Variants in ARHGAP12 observed in about 807,000 individuals in gnomAD.
The protein encoded by ARHGAP12 is Rho GTPase activating protein 12, also known as rho GTPase-activating protein 12.
In ARHGAP12, 64 loss-of-function variants were observed where a neutral mutation model predicts 108.6. The ratio of observed to expected loss-of-function variants is 0.59; its 90% CI spans 0.48 to 0.73. The LOEUF is 0.73. ARHGAP12 is among the 30% of genes least tolerant of loss of function. The pLI, the probability that ARHGAP12 is intolerant of heterozygous loss-of-function variation, is 0.00. For missense variants in ARHGAP12, 940 were observed against 1,005.9 expected, an observed-to-expected ratio of 0.93 and a Z score of 0.89; for synonymous variants, 312 against 337.2, an observed-to-expected ratio of 0.93 and a Z score of 0.82.
chr10:31,849,508 T>C (rs1478027765), intron 6 of ARHGAP12, among the ~76,000 whole-genome samples: 1 of 152,252 alleles, frequency 6.6e-6, no homozygotes, highest in African/African-American at 2.4e-5. Context: ...GGTTACAAGC[T>C]TGACAGATTT....
At chr10:31,887,752 G>C (rs1289704959) in intron 3 of ARHGAP12, among the ~76,000 whole-genome samples, 1 of 151,300 alleles carries the variant, frequency 6.6e-6, no homozygotes, top group Non-Finnish European at 1.5e-5. Context: ...CCACCTCCTG[G>C]GTTCACCCCA....
intron 6 of ARHGAP12, among the ~76,000 whole-genome samples, chr10:31,850,176 A>T (rs773548244): frequency 6.6e-6 from 1 of 152,182 alleles, no homozygotes; most frequent in Non-Finnish European, 1.5e-5. Flanking sequence ...TACTGTTAAG[A>T]GCTACAATTC....
chr10:31,834,349 A>C (rs532912525), intron 9 of ARHGAP12, among the ~76,000 whole-genome samples: 38 of 152,326 alleles, frequency 2.5e-4, no homozygotes, highest in African/African-American at 9.1e-4. Flanking sequence ...GGTGAAGCCC[A>C]CATGAATCTA....
intron 3 of ARHGAP12, among the ~76,000 whole-genome samples, chr10:31,876,862 A>C (rs1398392910): frequency 2.0e-5 from 3 of 152,218 alleles, no homozygotes; most frequent in Admixed American, 2.0e-4. Context: ...GGGCAGTTAC[A>C]ACCCCTACTC....
At position 31,908,439 on chromosome 10, in the gene ARHGAP12, A is replaced by C; in HGVS notation, c.417T>G (p.Ser139Arg). The C allele has an allele frequency of 6.2e-7, 1 of 1,614,234 alleles. No homozygotes were observed. The highest frequency in any genetic ancestry group is 8.5e-7 in the Non-Finnish European group (1 of 1,180,038). The change falls in exon 3 of 20, where the codon AGT becomes AGG. Residue 139 changes from serine (S) to arginine (R), a missense_variant. By Grantham distance (110) the Ser-to-Arg change is moderately radical. Transcript: ENST00000344936. ...GGTTGACAGTCTGACCTTGATTATAACTGGGTCCAAAATTCTGATTGGCAT... is the reference window on the plus strand; with the variant it reads ...GGTTGACAGTCTGACCTTGATTATACCTGGGTCCAAAATTCTGATTGGCAT... ...IRDANQNFGPSYNQGQTVNLS... is the reference protein window; with the variant it reads ...IRDANQNFGPRYNQGQTVNLS...
At chr10:31,849,928 G>A (rs1407464545) in intron 6 of ARHGAP12, among the ~76,000 whole-genome samples, 3 of 152,094 alleles carry the variant, frequency 2.0e-5, no homozygotes, top group African/African-American at 4.8e-5. Context: ...TCTGACCAAG[G>A]AAATTATAGA....
At chr10:31,894,577 C>T (rs1475459528) in intron 3 of ARHGAP12, among the ~76,000 whole-genome samples, 8 of 152,136 alleles carry the variant, frequency 5.3e-5, no homozygotes, top group East Asian at 1.9e-4. Context: ...AACTACAAAC[C>T]ACTGCTCAGT....
chr10:31,854,555 T>C (rs1351491240), intron 4 of ARHGAP12, among the ~76,000 whole-genome samples: 2 of 152,188 alleles, frequency 1.3e-5, no homozygotes, highest in Non-Finnish European at 2.9e-5. Flanking sequence ...TACACATATC[T>C]GTGTGTAAAC....
chr10:31,836,347 A>T lies in ARHGAP12; in HGVS notation c.1386+2958T>A, dbSNP rs1264808590. ...TGAATAGCTTCTTAGATCAGCCCACAAAAACCTATTTAATCCATATTATAG... is the reference window on the plus strand; with the variant it reads ...TGAATAGCTTCTTAGATCAGCCCACTAAAACCTATTTAATCCATATTATAG... On this transcript the variant is annotated intron_variant, in intron 9 of 19. Coordinates refer to ENST00000344936, the MANE Select transcript of ARHGAP12 (RefSeq NM_018287.7). 2.6e-5 allele frequency among the ~76,000 whole-genome samples: 4 copies of T among 152,280 alleles called. No individual in the cohort carries two copies. In the East Asian group the frequency reaches 7.7e-4, roughly 29 times the overall value.
intron 12 of ARHGAP12, among the ~76,000 whole-genome samples, chr10:31,819,373 CA>C (rs1835326256): frequency 6.6e-6 from 1 of 152,108 alleles, no homozygotes; most frequent in African/African-American, 2.4e-5. Context: ...CATGAGACTA[CA>C]AAAAGAGGTT....
Position 31,854,224 on chromosome 10 carries a change from CAT to C in ARHGAP12, c.949-20_949-19del. On this transcript the variant is annotated intron_variant, in intron 4 of 19. Transcript: ENST00000344936. ...GAAAGAAGCTACAAATAGTCAGAAA[CAT>C]AAGGATTTTTCTTTTTTGAATATAA... The C allele has an allele frequency of 6.3e-7, 1 of 1,580,412 alleles. No homozygotes were observed. The highest frequency in any genetic ancestry group is 8.6e-7 in the Non-Finnish European group (1 of 1,169,222).
intron 3 of ARHGAP12, among the ~76,000 whole-genome samples, chr10:31,870,066 T>C (rs1395030815): frequency 6.6e-6 from 1 of 152,162 alleles, no homozygotes; most frequent in African/African-American, 2.4e-5. Flanking sequence ...TTTAGACTTA[T>C]GGAAAAAAAC....
chr10:31,851,416 T>C (rs1057110019), intron 6 of ARHGAP12, among the ~76,000 whole-genome samples: 15 of 152,186 alleles, frequency 9.9e-5, no homozygotes, highest in Non-Finnish European at 5.9e-5. Flanking sequence ...CAGTATTTCC[T>C]TTATCTATCT....
intron 3 of ARHGAP12, among the ~76,000 whole-genome samples, chr10:31,885,239 A>C (rs958976999): frequency 6.6e-6 from 1 of 152,232 alleles, no homozygotes; most frequent in Non-Finnish European, 1.5e-5. Flanking sequence ...AGTAGTTTTT[A>C]AAAGGTATAA....
chr10:31,860,021 A>T (rs1032525576), intron 4 of ARHGAP12, among the ~76,000 whole-genome samples: 1 of 152,116 alleles, frequency 6.6e-6, no homozygotes, highest in African/African-American at 2.4e-5. Flanking sequence ...ACCTCAAGTG[A>T]TCTGCCTCCC....
chr10:31,901,448 C>A (rs903234877), intron 3 of ARHGAP12, among the ~76,000 whole-genome samples: 6 of 144,444 alleles, frequency 4.2e-5, no homozygotes, highest in African/African-American at 1.3e-4. Context: ...AGGAGGATCA[C>A]GTGAGCCTGG....
In ARHGAP12 at chr10:31,861,657, G is replaced by C. The variant is rs1031795970; in HGVS notation, c.686C>G (p.Ala229Gly). The C allele has an allele frequency of 6.3e-7, 1 of 1,583,100 alleles. No individual in the cohort carries two copies. Among genetic ancestry groups the C allele is most frequent in the Non-Finnish European group, 8.6e-7 (1 of 1,169,524 alleles). Residue 229 changes from alanine to glycine, a missense_variant and splice_region_variant, in exon 4 of 20, where the codon GCA (alanine) becomes GGA (glycine). Physicochemically the swap from Ala to Gly is moderately conservative, Grantham distance 60. Coordinates refer to ENST00000344936, the MANE Select transcript of ARHGAP12 (RefSeq NM_018287.7). ...CCTTCCTTGATTTGGAGGTGTGGTT[G>C]CCTGTGAAATAAACATTTTTAAATT... ...LSSSSTEQIR[A>G]TTPPNQGRPD...
intron 3 of ARHGAP12, among the ~76,000 whole-genome samples, chr10:31,876,059 T>C (rs898983111): frequency 4.0e-5 from 6 of 151,876 alleles, no homozygotes; most frequent in African/African-American, 9.7e-5. Context: ...ATAGACACAG[T>C]TGCTTCCACC....
At chr10:31,867,989 C>G (rs1050867970) in intron 3 of ARHGAP12, among the ~76,000 whole-genome samples, 2 of 152,092 alleles carry the variant, frequency 1.3e-5, no homozygotes, top group South Asian at 2.1e-4. Context: ...CATCTGAGGT[C>G]AGGAGTTCAA....
Sources: gnomAD v4.1 joint callset for allele counts (sites outside exome capture counted in the v4.1 genomes callset) on GRCh38, gnomAD v4.1.1 for gene constraint, MANE v1.5 for transcripts, NCBI Gene and HGNC (gene_info 2026-07-23, HGNC 2026-07-21) for gene names.